Variants in LARGE1 observed in about 807,000 individuals in gnomAD.
LARGE1 encodes LARGE xylosyl- and glucuronyltransferase 1, also known as xylosyl- and glucuronyltransferase LARGE1.
A neutral mutation model predicts 87.6 loss-of-function variants in LARGE1; 43 were observed. The observed-to-expected ratio is 0.49, with a 90% CI of 0.38 to 0.63. The LOEUF (loss-of-function observed/expected upper bound fraction) is 0.63. LARGE1 is among the 30% of genes least tolerant of loss of function. LARGE1 has a pLI of 0.00. For synonymous variants in LARGE1, 434 were observed against 394.6 expected, an observed-to-expected ratio of 1.10 and a Z score of -1.18; for missense variants, 802 against 1,000.2, an observed-to-expected ratio of 0.80 and a Z score of 2.67.
the LARGE1 span, among the ~76,000 whole-genome samples, chr22:33,140,168 C>T: frequency 6.6e-6 from 1 of 152,178 alleles, no homozygotes; most frequent in Non-Finnish European, 1.5e-5. Context: ...GCCTCTGGAA[C>T]ATGGATCTGG....
At chr22:33,755,145 G>A (rs905643231) in intron 2 of LARGE1, among the ~76,000 whole-genome samples, 18 of 152,106 alleles carry the variant, frequency 1.2e-4, no homozygotes, top group African/African-American at 4.3e-4. Context: ...AATTTACTGT[G>A]ACAACACTCA....
At chr22:33,343,161 C>T (rs1169175731) in intron 9 of LARGE1, among the ~76,000 whole-genome samples, 1 of 152,132 alleles carries the variant, frequency 6.6e-6, no homozygotes, top group African/African-American at 2.4e-5. Flanking sequence ...AGGGTCTATG[C>T]TGTATCACCC....
chr22:33,327,701 A>G (rs184335991), intron 10 of LARGE1, among the ~76,000 whole-genome samples: 1 of 152,216 alleles, frequency 6.6e-6, no homozygotes, highest in East Asian at 1.9e-4. Context: ...GACCACAGGC[A>G]TGTGTGGTTT....
intron 2 of LARGE1, among the ~76,000 whole-genome samples, chr22:33,665,317 T>C (rs186076981): frequency 8.5e-5 from 13 of 152,348 alleles, no homozygotes; most frequent in Admixed American, 7.2e-4. Flanking sequence ...ACAAGTTCAA[T>C]GGTAGCAGAG....
At chr22:33,825,290 G>A (rs2062746114) in intron 1 of LARGE1, among the ~76,000 whole-genome samples, 1 of 151,890 alleles carries the variant, frequency 6.6e-6, no homozygotes, top group African/African-American at 2.4e-5. Context: ...AATATGGGAT[G>A]GGGTATTAGT....
At chr22:33,682,410 C>T (rs892361508) in intron 2 of LARGE1, among the ~76,000 whole-genome samples, 8 of 152,200 alleles carry the variant, frequency 5.3e-5, no homozygotes, top group African/African-American at 1.9e-4. Context: ...TCTTCTCCTG[C>T]ACCAGGACAC....
At chr22:33,225,662 C>T (rs1925697359) in intron 11 of LARGE1, among the ~76,000 whole-genome samples, 1 of 152,138 alleles carries the variant, frequency 6.6e-6, no homozygotes, top group South Asian at 2.1e-4. Context: ...ATCATTTTAT[C>T]ACCCAGGTAC....
At chr22:33,174,569 T>C (rs1242691997) in intron 11 of LARGE1, among the ~76,000 whole-genome samples, 2 of 151,864 alleles carry the variant, frequency 1.3e-5, no homozygotes, top group Non-Finnish European at 2.9e-5. Flanking sequence ...TTTGAAAAGA[T>C]CAACAACAAA....
Position 33,433,070 on chromosome 22 carries a change from T to C in LARGE1, c.788-805A>G, listed in dbSNP as rs1025081054. Among the ~76,000 whole-genome samples the C allele has an allele frequency of 4.6e-5, 7 of 152,170 alleles. No individual in the cohort carries two copies. The East Asian group carries it at 5.8e-4, about 13-fold the overall frequency. ...TCACATCTGATCCACCTGGCTCCTT[T>C]AGACAACTCCATCATGCAGAAGGCC... is the stretch of plus-strand genomic sequence containing the variant. On this transcript the variant is annotated intron_variant, in intron 6 of 14. Transcript: ENST00000397394.
downstream of LARGE1, among the ~76,000 whole-genome samples, chr22:33,272,069 T>C (rs1928288893): frequency 6.6e-6 from 1 of 152,142 alleles, no homozygotes; most frequent in Non-Finnish European, 1.5e-5. Context: ...AAAATGCAAG[T>C]GAAAGCAAGG....
At chr22:33,868,882 C>CACGG (rs1349814672) in intron 1 of LARGE1, among the ~76,000 whole-genome samples, 8 of 152,216 alleles carry the variant, frequency 5.3e-5, no homozygotes, top group Non-Finnish European at 8.8e-5. Context: ...TTGCAAGGTA[C>CACGG]ACGGATTCAC....
At chr22:33,843,090 C>T (rs138489740) in intron 1 of LARGE1, among the ~76,000 whole-genome samples, 3 of 152,300 alleles carry the variant, frequency 2.0e-5, no homozygotes, top group Admixed American at 2.0e-4. Flanking sequence ...TTCATCCTCA[C>T]AACCCAACCC....
upstream of LARGE1, among the ~76,000 whole-genome samples, chr22:33,921,668 AAC>A (rs2065953417): frequency 6.6e-6 from 1 of 151,798 alleles, no homozygotes; most frequent in Non-Finnish European, 1.5e-5. The surrounding 1 kb of genome is among the most constrained non-coding windows in gnomAD (Gnocchi z 4.1). Context: ...CTCCACCCCA[AAC>A]ACACACCCCA....
chr22:33,675,415 T>G (rs1424086707), intron 2 of LARGE1, among the ~76,000 whole-genome samples: 1 of 146,222 alleles, frequency 6.8e-6, no homozygotes, highest in African/African-American at 2.6e-5. Flanking sequence ...AGGGAATGAA[T>G]AAGAAGAGAA....
chr22:33,141,367 G>A, the LARGE1 span, among the ~76,000 whole-genome samples: 1 of 152,270 alleles, frequency 6.6e-6, no homozygotes. Flanking sequence ...ACTGAGAAGT[G>A]TTAGTGTTTG....
chr22:33,263,808 G>A (rs1927778070), intron 11 of LARGE1, among the ~76,000 whole-genome samples: 2 of 152,224 alleles, frequency 1.3e-5, no homozygotes, highest in Admixed American at 1.3e-4. Context: ...CACGATGAAG[G>A]ACCTGTTACA....
At chr22:33,636,320 A>G (rs1288484138) in intron 3 of LARGE1, among the ~76,000 whole-genome samples, 3 of 152,148 alleles carry the variant, frequency 2.0e-5, no homozygotes, top group African/African-American at 7.2e-5. Context: ...AAGTCCACAC[A>G]CATTAGCCAG....
chr22:33,263,027 C>T (rs186531126), intron 11 of LARGE1, among the ~76,000 whole-genome samples: 85 of 151,832 alleles, frequency 5.6e-4, no homozygotes, highest in African/African-American at 1.5e-3. Flanking sequence ...CAAGCAGCTG[C>T]GATTACAGGC....
At chr22:33,838,355 T>C (rs896424829) in intron 1 of LARGE1, among the ~76,000 whole-genome samples, 2 of 152,170 alleles carry the variant, frequency 1.3e-5, no homozygotes, top group Non-Finnish European at 2.9e-5. Flanking sequence ...TTTTAAAAAA[T>C]TGGACAGGTG....
Sources: allele counts gnomAD v4.1 joint callset (sites outside exome capture counted in the v4.1 genomes callset), GRCh38; gene constraint gnomAD v4.1.1; non-coding constraint Gnocchi (gnomAD v3.1); transcripts MANE v1.5; gene names NCBI Gene and HGNC (gene_info 2026-07-23, HGNC 2026-07-21).